SEZ6L: variants seen among roughly 807,000 people sequenced by gnomAD.
SEZ6L encodes the protein seizure 6-like protein.
SEZ6L carries 37 observed loss-of-function variants against 106.2 expected under a neutral mutation model. The ratio of observed to expected loss-of-function variants is 0.35; its 90% CI spans 0.27 to 0.46. The LOEUF is 0.46. SEZ6L is among the 20% of genes least tolerant of loss of function. The pLI is 1.00. For synonymous variants in SEZ6L, 541 were observed against 570.4 expected (o/e 0.95, Z 0.73); for missense variants, 1,172 against 1,332.8 (o/e 0.88, Z 1.88).
At chr22:26,269,006 T>C (rs917995949) in intron 1 of SEZ6L, among the ~76,000 whole-genome samples, 1 of 152,210 alleles carries the variant, frequency 6.6e-6, no homozygotes, top group Non-Finnish European at 1.5e-5. Flanking sequence ...CCCTGCAAGG[T>C]TTTTGCTCTA....
intron 1 of SEZ6L, among the ~76,000 whole-genome samples, chr22:26,190,172 C>A (rs1284484817): frequency 6.6e-6 from 1 of 151,340 alleles, no homozygotes; most frequent in Non-Finnish European, 1.5e-5. Flanking sequence ...CCGCTTTGAC[C>A]ATTTGGAAGT....
chr22:26,278,467 G>C (rs1245421340), intron 1 of SEZ6L, among the ~76,000 whole-genome samples: 1 of 152,114 alleles, frequency 6.6e-6, no homozygotes, highest in African/African-American at 2.4e-5. Flanking sequence ...GGAGTCTCCA[G>C]TGTCTACTAT....
intron 13 of SEZ6L, among the ~76,000 whole-genome samples, chr22:26,367,537 G>A (rs1424686239): frequency 6.6e-6 from 1 of 151,984 alleles, no homozygotes; most frequent in Admixed American, 6.6e-5. Context: ...AGAGATGGGG[G>A]TCTCGCTATG....
intron 1 of SEZ6L, among the ~76,000 whole-genome samples, chr22:26,243,391 C>T (rs953110817): frequency 6.6e-6 from 1 of 152,192 alleles, no homozygotes; most frequent in Non-Finnish European, 1.5e-5. Flanking sequence ...TGTGAGAAGA[C>T]AGCATTGAGC....
chr22:26,193,656 T>C (rs1940392748), intron 1 of SEZ6L, among the ~76,000 whole-genome samples: 1 of 152,224 alleles, frequency 6.6e-6, no homozygotes, highest in African/African-American at 2.4e-5. Flanking sequence ...ATCTTTTCTT[T>C]CTTTTGTTAC....
At position 26,170,423 on chromosome 22, in the gene SEZ6L, C is replaced by T. The variant is rs184491730; in HGVS notation, c.94+660C>T. On this transcript the variant is annotated intron_variant, in intron 1 of 16. Coordinates refer to ENST00000248933, the MANE Select transcript of SEZ6L (RefSeq NM_021115.5). ...GTTAGTTAGCAGTTGGGAACCTGAACGGGCTCCCCTCTACTCTCTCCCCTA... is the reference window on the plus strand; with the variant it reads ...GTTAGTTAGCAGTTGGGAACCTGAATGGGCTCCCCTCTACTCTCTCCCCTA... Among the ~76,000 whole-genome samples, 34 of 152,194 alleles carry T rather than the reference C, an allele frequency of 2.2e-4. No homozygotes were observed. The East Asian group carries it at 4.8e-3, about 22-fold the overall frequency.
rs1403107796 is a variant in SEZ6L at position 26,292,415 on chromosome 22, C to T, written c.104C>T (p.Pro35Leu). 6.2e-7 allele frequency: 1 copy of T among 1,612,136 alleles called. No individual in the cohort carries two copies. Among genetic ancestry groups the T allele is most frequent in the African/African-American group, 1.3e-5 (1 of 74,996 alleles). ...PAAALERDAL[P>L]EGDASPLGPY... The stretch of plus-strand genomic sequence containing the variant: ...TTTCTCCTCTTCCAAGATGCTCTTC[C>T]CGAGGGAGATGCTAGCCCTTTGGGT... The change falls in exon 2 of 17, where the codon CCC becomes CTC. Residue 35 changes from proline to leucine, a missense_variant. By Grantham distance (98) the Pro-to-Leu change is moderately conservative (BLOSUM62 -3). Coordinates refer to ENST00000248933, the MANE Select transcript of SEZ6L (RefSeq NM_021115.5).
At chr22:26,312,264 G>C (rs1314511235) in intron 8 of SEZ6L, among the ~76,000 whole-genome samples, 3 of 152,216 alleles carry the variant, frequency 2.0e-5, no homozygotes, top group African/African-American at 7.2e-5. Flanking sequence ...ACGCATGCTT[G>C]TGCAGTGCAC....
At chr22:26,232,971 A>C (rs1602103017) in intron 1 of SEZ6L, among the ~76,000 whole-genome samples, 1 of 151,966 alleles carries the variant, frequency 6.6e-6, no homozygotes, top group South Asian at 2.1e-4. Flanking sequence ...CAGCTGTTAG[A>C]CTCTGTCCTC....
intron 1 of SEZ6L, among the ~76,000 whole-genome samples, chr22:26,258,217 C>T (rs1279889399): frequency 6.6e-6 from 1 of 152,172 alleles, no homozygotes; most frequent in Non-Finnish European, 1.5e-5. Flanking sequence ...TCTTACATAT[C>T]CATTCATTCA....
rs2081198611 is a variant in SEZ6L at position 26,293,289 on chromosome 22, C to A, written c.835+143C>A. 4 of 1,231,670 alleles carry A rather than the reference C, an allele frequency of 3.2e-6. No individual in the cohort carries two copies. In the East Asian group the frequency reaches 8.0e-5, roughly 25 times the overall value. 76.3% of individuals were successfully genotyped at this position (1,231,670 alleles called of 1,614,324 possible). A position where few individuals can be genotyped will look rare whatever the true frequency, so the allele number is the denominator to read the frequency against. ...ATTGAGCACTGACTATGAGCTTCGC[C>A]CTGTGGCTCAGAATTAATAGCCTCA... On this transcript the variant is annotated intron_variant, in intron 2 of 16. Coordinates refer to ENST00000248933, the MANE Select transcript of SEZ6L (RefSeq NM_021115.5).
intron 1 of SEZ6L, among the ~76,000 whole-genome samples, chr22:26,184,018 G>A (rs778350691): frequency 6.6e-6 from 1 of 152,110 alleles, no homozygotes; most frequent in Non-Finnish European, 1.5e-5. Context: ...CTGTTTTTCA[G>A]CAAACTGAGG....
intron 13 of SEZ6L, among the ~76,000 whole-genome samples, chr22:26,365,858 G>A (rs2083792116): frequency 6.6e-6 from 1 of 150,948 alleles, no homozygotes; most frequent in South Asian, 2.1e-4. Context: ...CGGACAGAAC[G>A]AGACTCTATC....
rs2081381396 is a variant in SEZ6L, at chr22:26,299,182, C to G, written c.1348+13C>G. On this transcript the variant is annotated intron_variant, in intron 5 of 16. Coordinates refer to ENST00000248933, the MANE Select transcript of SEZ6L (RefSeq NM_021115.5). Reference sequence around the variant, plus strand: ...CCCATCTGCTCAGGTATGCTCCAGCCTCAGCCGGACCAAACCTGATGGTCC... The same window carrying G: ...CCCATCTGCTCAGGTATGCTCCAGCGTCAGCCGGACCAAACCTGATGGTCC... 7.0e-7 allele frequency: 1 copy of G among 1,430,582 alleles called. No individual in the cohort carries two copies. Among genetic ancestry groups the G allele is most frequent in the Non-Finnish European group, 9.2e-7 (1 of 1,082,934 alleles). 88.6% of individuals were successfully genotyped at this position (1,430,582 alleles called of 1,614,324 possible).
At chr22:26,301,445 G>A (rs1483822406) in intron 5 of SEZ6L, among the ~76,000 whole-genome samples, 1 of 152,234 alleles carries the variant, frequency 6.6e-6, no homozygotes, top group East Asian at 1.9e-4. Context: ...CAGTCAAGGT[G>A]AGGCTGTAGT....
At chr22:26,332,453 A>AT (rs368247917) in intron 9 of SEZ6L, among the ~76,000 whole-genome samples, 15,004 of 145,812 alleles carry the variant, frequency 0.1, 1,028 homozygotes, top group Admixed American at 0.23. Context: ...CCCAGTCCAG[A>AT]TTTTTTTTTT....
At chr22:26,256,234 G>A (rs146469653) in intron 1 of SEZ6L, among the ~76,000 whole-genome samples, 248 of 152,306 alleles carry the variant, frequency 1.6e-3, no homozygotes, top group African/African-American at 5.5e-3. Flanking sequence ...GGGGATGCCA[G>A]GGACGTGTGC....
chr22:26,333,624 C>G (rs1305145833), intron 9 of SEZ6L, among the ~76,000 whole-genome samples: 1 of 152,100 alleles, frequency 6.6e-6, no homozygotes, highest in Non-Finnish European at 1.5e-5. Context: ...GAGACACACA[C>G]TCAGCATGGT....
intron 1 of SEZ6L, among the ~76,000 whole-genome samples, chr22:26,290,246 A>T (rs1041720888): frequency 6.6e-6 from 1 of 152,114 alleles, no homozygotes; most frequent in African/African-American, 2.4e-5. Context: ...TAAAATGACT[A>T]TTGGGCCGGG....
Sources: gnomAD v4.1 joint callset for allele counts (sites outside exome capture counted in the v4.1 genomes callset) on GRCh38, gnomAD v4.1.1 for gene constraint, MANE v1.5 for transcripts, NCBI Gene and HGNC (gene_info 2026-07-23, HGNC 2026-07-21) for gene names.